CCDC6: variants seen among roughly 807,000 people sequenced by gnomAD.
CCDC6 encodes coiled-coil domain containing 6.
Under a neutral mutation model 56.6 loss-of-function variants are expected in CCDC6, and 20 were observed. The ratio of observed to expected loss-of-function variants is 0.35; its 90% CI spans 0.25 to 0.51. The LOEUF (loss-of-function observed/expected upper bound fraction) is 0.51, where lower values mean the gene tolerates loss of function less well. CCDC6 is among the 20% of genes least tolerant of loss of function. The pLI, the probability that CCDC6 is intolerant of heterozygous loss-of-function variation, is 0.95. For synonymous variants in CCDC6, 241 were observed against 234.4 expected (o/e 1.03, Z -0.26); for missense variants, 367 against 601.1 (o/e 0.61, Z 4.07).
chr10:59,810,078 T>C (rs1463603351), intron 5 of CCDC6, among the ~76,000 whole-genome samples: 1 of 152,182 alleles, frequency 6.6e-6, no homozygotes, highest in Non-Finnish European at 1.5e-5. Flanking sequence ...CACTGGTCTA[T>C]TAAAAGCTGG....
In CCDC6 at chr10:59,793,001, T is replaced by TGGCGGAGGTGGA. The variant is rs775005738; in HGVS notation, c.1329_1340dup (p.Pro445_Pro448dup). 1 of 1,612,640 alleles carries TGGCGGAGGTGGA rather than the reference T, an allele frequency of 6.2e-7. No homozygotes were observed. Among genetic ancestry groups the TGGCGGAGGTGGA allele is most frequent in the South Asian group, 1.1e-5 (1 of 90,964 alleles). On this transcript the variant is annotated inframe_insertion, in exon 9 of 9. Transcript: ENST00000263102. ...CTGAGGGGACCGTGGGCTGCATGGG[T>TGGCGGAGGTGGA]GGCGGAGGTGGAGGCGGAGGTGGCT...
intron 1 of CCDC6, among the ~76,000 whole-genome samples, chr10:59,893,204 G>T (rs915406319): frequency 6.6e-6 from 1 of 152,094 alleles, no homozygotes; most frequent in African/African-American, 2.4e-5. Flanking sequence ...TTTGCGGGGG[G>T]AGGGATACTG....
intron 7 of CCDC6, among the ~76,000 whole-genome samples, chr10:59,802,495 C>T (rs925540896): frequency 5.1e-4 from 77 of 152,110 alleles, no homozygotes; most frequent in African/African-American, 1.8e-3. Flanking sequence ...ATGTATAGCA[C>T]TACAATGTAC....
At chr10:59,884,880 A>G (rs1346980858) in intron 1 of CCDC6, among the ~76,000 whole-genome samples, 2 of 152,194 alleles carry the variant, frequency 1.3e-5, no homozygotes, top group East Asian at 1.9e-4. Context: ...CCTGGCCAAC[A>G]TGGTGAAACC....
rs72280811 is a variant in CCDC6, at chr10:59,797,683, TTGTG to T, written c.1106-3090_1106-3087del. Among the ~76,000 whole-genome samples, 324 of 140,582 alleles carry T rather than the reference TTGTG, an allele frequency of 2.3e-3. 2 individuals carry two copies. The highest frequency in any genetic ancestry group is 0.011 in the Middle Eastern group (3 of 284). 92.2% of individuals were successfully genotyped at this position (140,582 alleles called of 152,430 possible). A position where few individuals can be genotyped will look rare whatever the true frequency, so the allele number is the denominator to read the frequency against. ...GTGAGAGAGAGAGAGAGTGAGAGTG[TTGTG>T]TGTGTGTGTGTGTGTGTGTGTGTCT... On this transcript the variant is annotated intron_variant, in intron 7 of 8. Transcript: ENST00000263102.
At position 59,794,462 on chromosome 10, in the gene CCDC6, C is replaced by T. The variant is rs756574614; in HGVS notation, c.1230+11G>A. ...GAGTAAAGTGCTGCTTCCTACCCCA[C>T]GGACACTTACTGTGATACCATGGGA... On this transcript the variant is annotated intron_variant, in intron 8 of 8. Transcript: ENST00000263102. The T allele has an allele frequency of 2.9e-5, 46 of 1,613,566 alleles. No individual in the cohort carries two copies. Among genetic ancestry groups the T allele is most frequent in the East Asian group, 8.9e-5 (4 of 44,882 alleles).
chr10:59,801,749 T>A (rs1395511363), intron 7 of CCDC6, among the ~76,000 whole-genome samples: 3 of 152,178 alleles, frequency 2.0e-5, no homozygotes, highest in Non-Finnish European at 4.4e-5. Flanking sequence ...GATGTTTGAA[T>A]TATATTTTAT....
intron 1 of CCDC6, among the ~76,000 whole-genome samples, chr10:59,873,154 C>CCA (rs1333586304): frequency 6.6e-6 from 1 of 152,100 alleles, no homozygotes; most frequent in Non-Finnish European, 1.5e-5. Context: ...TTCCATAGCT[C>CCA]CACTCCCTTT....
chr10:59,888,567 C>T (rs2071399489), intron 1 of CCDC6, among the ~76,000 whole-genome samples: 1 of 152,056 alleles, frequency 6.6e-6, no homozygotes, highest in African/African-American at 2.4e-5. Flanking sequence ...GGGCCAGCAG[C>T]CTAAGGGCAC....
At chr10:59,839,424 G>C (rs998725334) in intron 2 of CCDC6, among the ~76,000 whole-genome samples, 1 of 152,150 alleles carries the variant, frequency 6.6e-6, no homozygotes, top group African/African-American at 2.4e-5. Flanking sequence ...ACTTCATATG[G>C]ACTGTTTGCT....
intron 7 of CCDC6, among the ~76,000 whole-genome samples, chr10:59,797,555 G>C (rs2070531575): frequency 1.0e-5 from 1 of 100,236 alleles, no homozygotes; most frequent in Non-Finnish European, 1.9e-5. Context: ...ACTGGAGATA[G>C]ATATTAAGTA....
chr10:59,865,651 A>C (rs1417950121), intron 1 of CCDC6, among the ~76,000 whole-genome samples: 1 of 151,998 alleles, frequency 6.6e-6, no homozygotes, highest in Admixed American at 6.6e-5. Flanking sequence ...CAAGAGATAG[A>C]GACCATCCTG....
chr10:59,861,528 A>G (rs1377921568), intron 1 of CCDC6, among the ~76,000 whole-genome samples: 1 of 152,160 alleles, frequency 6.6e-6, no homozygotes, highest in African/African-American at 2.4e-5. Context: ...TGTAGGAATT[A>G]TCATACAGTG....
Position 59,791,962 on chromosome 10 carries a change from T to C in CCDC6, c.*955A>G. ...ATTATGCCAAGATAATGCGATAATGTCCATTTCAAATAGTATTTTCTAATG... is the reference window on the plus strand; with the variant it reads ...ATTATGCCAAGATAATGCGATAATGCCCATTTCAAATAGTATTTTCTAATG... On this transcript the variant is annotated 3_prime_UTR_variant, in exon 9 of 9. Coordinates refer to ENST00000263102, the MANE Select transcript of CCDC6 (RefSeq NM_005436.5). The C allele has an allele frequency of 4.5e-6, 1 of 221,524 alleles. No homozygotes were observed. The highest frequency in any genetic ancestry group is 6.7e-5 in the East Asian group (1 of 15,014). The allele number at this position is 221,524 out of a possible 1,614,324, so 13.7% of individuals were successfully genotyped here.
At chr10:59,815,008 G>C (rs992742047) in intron 3 of CCDC6, among the ~76,000 whole-genome samples, 7 of 152,126 alleles carry the variant, frequency 4.6e-5, no homozygotes, top group African/African-American at 1.7e-4. Flanking sequence ...TTTATTCAAG[G>C]CAAGTGGAAA....
intron 1 of CCDC6, among the ~76,000 whole-genome samples, chr10:59,890,638 T>C (rs753183693): frequency 3.9e-5 from 6 of 152,190 alleles, no homozygotes; most frequent in Non-Finnish European, 8.8e-5. Flanking sequence ...GAGGGCAAGA[T>C]GGCTTAGAGG....
chr10:59,886,945 T>G (rs141535508), intron 1 of CCDC6, among the ~76,000 whole-genome samples: 117 of 152,350 alleles, frequency 7.7e-4, no homozygotes, highest in African/African-American at 2.4e-3. Context: ...ACTGTCCATT[T>G]ACCAGACTAC....
At chr10:59,898,282 T>C (rs1411364468) in intron 1 of CCDC6, among the ~76,000 whole-genome samples, 1 of 151,996 alleles carries the variant, frequency 6.6e-6, no homozygotes, top group Non-Finnish European at 1.5e-5. Flanking sequence ...CATCATCACA[T>C]AAAAACAAAA....
At chr10:59,832,289 C>T (rs1404698595) in intron 3 of CCDC6, among the ~76,000 whole-genome samples, 1 of 152,192 alleles carries the variant, frequency 6.6e-6, no homozygotes, top group Non-Finnish European at 1.5e-5. Flanking sequence ...TAAATCAGTA[C>T]ATCACAACTT....
Sources: gnomAD v4.1 joint callset for allele counts (sites outside exome capture counted in the v4.1 genomes callset) on GRCh38, gnomAD v4.1.1 for gene constraint, MANE v1.5 for transcripts, NCBI Gene and HGNC (gene_info 2026-07-23, HGNC 2026-07-21) for gene names.